Variants in CSMD1 observed in about 807,000 individuals in gnomAD.
The protein encoded by CSMD1 is CUB and Sushi multiple domains 1, also known as CUB and sushi domain-containing protein 1.
Under a neutral mutation model 417.5 loss-of-function variants are expected in CSMD1, and 213 were observed. That is an observed-to-expected ratio of 0.51 (90% CI 0.46 to 0.57). The LOEUF is 0.57. Among genes scored for constraint, CSMD1 ranks in the 20% least tolerant of loss-of-function variants. CSMD1 has a pLI of 0.00. For synonymous variants in CSMD1, 2,862 were observed against 1,736.8 expected (o/e 1.65, Z -16.11); for missense variants, 6,923 against 4,529.7 (o/e 1.53, Z -15.17).
chr8:3,478,632 C>G (rs989239457), intron 11 of CSMD1, among the ~76,000 whole-genome samples: 7 of 152,108 alleles, frequency 4.6e-5, no homozygotes, highest in African/African-American at 1.7e-4. Context: ...CACCCCTGAA[C>G]AGGCAACAGA....
At chr8:3,690,244 A>G (rs12680743) in intron 7 of CSMD1, among the ~76,000 whole-genome samples, 50,752 of 152,096 alleles carry the variant, frequency 0.33, 9,195 homozygotes, top group Admixed American at 0.47. Flanking sequence ...CTGTAATCCC[A>G]GCTACTTGGG....
chr8:4,655,948 G>A (rs1053147995), intron 1 of CSMD1, among the ~76,000 whole-genome samples: 8 of 152,100 alleles, frequency 5.3e-5, no homozygotes, highest in African/African-American at 1.9e-4. Context: ...ACAGATCTGT[G>A]CTCCCTGGAG....
At chr8:4,291,488 C>A (rs1042299139) in intron 3 of CSMD1, among the ~76,000 whole-genome samples, 2 of 152,044 alleles carry the variant, frequency 1.3e-5, no homozygotes, top group African/African-American at 4.8e-5. Flanking sequence ...TACTAATTCC[C>A]AGTGATTCTG....
intron 5 of CSMD1, among the ~76,000 whole-genome samples, chr8:3,814,976 T>C (rs1339578516): frequency 3.3e-5 from 5 of 152,180 alleles, no homozygotes; most frequent in Non-Finnish European, 5.9e-5. Flanking sequence ...AAGACAATCA[T>C]CTGCATAATA....
Position 3,097,002 on chromosome 8 carries a change from A to G in CSMD1, c.6985T>C (p.Ser2329Pro). 6.4e-7 allele frequency: 1 copy of G among 1,555,630 alleles called. No individual in the cohort carries two copies. The highest frequency in any genetic ancestry group is 8.7e-7 in the Non-Finnish European group (1 of 1,148,866). Residue 2329 changes from serine to proline, a missense_variant, in exon 47 of 70, where the codon TCG becomes CCG. Physicochemically the swap from Ser to Pro is moderately conservative, Grantham distance 74. Coordinates refer to ENST00000635120, the MANE Select transcript of CSMD1 (RefSeq NM_033225.6). Reference sequence around the variant, plus strand: ...TACCCTGGACTGAGAATGACTCCCGATGATCCAGTCCGGACTTCATTTGCT... The same window carrying G: ...TACCCTGGACTGAGAATGACTCCCGGTGATCCAGTCCGGACTTCATTTGCT... ...CPANEVRTGS[S>P]GVILSPGYPG...
intron 3 of CSMD1, among the ~76,000 whole-genome samples, chr8:4,309,258 C>A (rs868032770): frequency 1.2e-4 from 18 of 152,086 alleles, no homozygotes; most frequent in African/African-American, 3.4e-4. Context: ...TTAATTCACA[C>A]CAACTAATTA....
chr8:4,771,855 C>T (rs540333722), intron 1 of CSMD1, among the ~76,000 whole-genome samples: 3 of 152,230 alleles, frequency 2.0e-5, no homozygotes, highest in South Asian at 4.1e-4. Context: ...TTTTAATCCA[C>T]GAGGGAGTCT....
chr8:3,935,611 G>T (rs959603849), intron 5 of CSMD1, among the ~76,000 whole-genome samples: 4 of 152,018 alleles, frequency 2.6e-5, no homozygotes, highest in African/African-American at 4.8e-5. Context: ...TGTAACTATT[G>T]TAATTGTTTG....
At chr8:3,238,089 G>T (rs1013814947) in intron 26 of CSMD1, among the ~76,000 whole-genome samples, 1 of 151,970 alleles carries the variant, frequency 6.6e-6, no homozygotes, top group East Asian at 1.9e-4. Flanking sequence ...TCCGAAAAGA[G>T]AGTCACCGAA....
At chr8:4,769,070 CA>C in intron 1 of CSMD1, among the ~76,000 whole-genome samples, 1 of 152,290 alleles carries the variant, frequency 6.6e-6, no homozygotes, top group Middle Eastern at 3.4e-3. Flanking sequence ...GTGAGGCAAA[CA>C]GTTAACAGCT....
At position 4,409,970 on chromosome 8, in the gene CSMD1, C is replaced by T. The variant is rs567165206; in HGVS notation, c.415+9983G>A. 3.5e-3 allele frequency among the ~76,000 whole-genome samples: 537 copies of T among 152,176 alleles called. 1 individual carries two copies. Among genetic ancestry groups the T allele is most frequent in the Non-Finnish European group, 5.6e-3 (384 of 68,016 alleles). On this transcript the variant is annotated intron_variant, in intron 3 of 69. Coordinates refer to ENST00000635120, the MANE Select transcript of CSMD1 (RefSeq NM_033225.6). ...CTGGGATTACAGGCACCCGCCACTA[C>T]GCCCAGCAAATTTTTGTATTTTTAG...
At chr8:4,880,777 C>A (rs114184844) in intron 1 of CSMD1, among the ~76,000 whole-genome samples, 11 of 152,052 alleles carry the variant, frequency 7.2e-5, no homozygotes, top group African/African-American at 2.4e-4. Flanking sequence ...ATACTCATTT[C>A]TTTGTGCATT....
intron 3 of CSMD1, among the ~76,000 whole-genome samples, chr8:4,179,205 G>A (rs1021330773): frequency 6.6e-6 from 1 of 152,086 alleles, no homozygotes; most frequent in African/African-American, 2.4e-5. Context: ...AACCAAAACA[G>A]CATGGTACTG....
At chr8:3,102,400 T>C (rs111927317) in intron 46 of CSMD1, among the ~76,000 whole-genome samples, 2,017 of 152,300 alleles carry the variant, frequency 0.013, 39 homozygotes, top group African/African-American at 0.046. Context: ...AGAACTAGGT[T>C]ATCCTGTTCG....
At chr8:3,619,921 G>C (rs1232861008) in intron 7 of CSMD1, among the ~76,000 whole-genome samples, 1 of 152,100 alleles carries the variant, frequency 6.6e-6, no homozygotes, top group African/African-American at 2.4e-5. Flanking sequence ...GGCCAACATA[G>C]TGAAACCCCA....
intron 1 of CSMD1, among the ~76,000 whole-genome samples, chr8:4,739,486 G>C (rs972077563): frequency 6.6e-6 from 1 of 152,168 alleles, no homozygotes; most frequent in Non-Finnish European, 1.5e-5. Flanking sequence ...TGTAATGATA[G>C]ATGAAGTAAC....
intron 5 of CSMD1, among the ~76,000 whole-genome samples, chr8:3,853,409 T>C (rs1804051880): frequency 6.6e-6 from 1 of 152,184 alleles, no homozygotes; most frequent in Non-Finnish European, 1.5e-5. Context: ...CTCTATAATT[T>C]ACTTTAAAAA....
At chr8:3,310,950 C>A (rs1433658072) in intron 23 of CSMD1, among the ~76,000 whole-genome samples, 1 of 152,148 alleles carries the variant, frequency 6.6e-6, no homozygotes, top group African/African-American at 2.4e-5. Context: ...AGCTTTGAAA[C>A]ACATCTGCTG....
At chr8:4,969,356 G>C (rs144594637) in intron 1 of CSMD1, among the ~76,000 whole-genome samples, 1 of 151,974 alleles carries the variant, frequency 6.6e-6, no homozygotes, top group African/African-American at 2.4e-5. Flanking sequence ...AATGAGGAAA[G>C]CATTGTACCC....
Sources: gnomAD v4.1 joint callset for allele counts (sites outside exome capture counted in the v4.1 genomes callset) on GRCh38, gnomAD v4.1.1 for gene constraint, MANE v1.5 for transcripts, NCBI Gene and HGNC (gene_info 2026-07-23, HGNC 2026-07-21) for gene names.